INPP1: variants seen among roughly 807,000 people sequenced by gnomAD.
The protein encoded by INPP1 is inositol polyphosphate-1-phosphatase, also known as inositol polyphosphate 1-phosphatase.
A neutral mutation model predicts 23.0 loss-of-function variants in INPP1; 18 were observed. The ratio of observed to expected loss-of-function variants is 0.78; its 90% CI spans 0.54 to 1.16. INPP1 has a LOEUF of 1.16. Ranked by LOEUF, INPP1 falls within the 50% of genes most tolerant of loss-of-function variation. INPP1 has a pLI of 0.00. For synonymous variants in INPP1, 164 were observed against 176.3 expected (o/e 0.93, Z 0.55); for missense variants, 448 against 482.1 (o/e 0.93, Z 0.66).
rs1238314029 is a variant in INPP1, at chr2:190,368,020, A to G, written c.467-1083A>G. Reference sequence around the variant, plus strand: ...TGGGCCCTTCCCATCCTACAAGTGCATTCACAGGATGATACTGAAATGGGT... The same window carrying G: ...TGGGCCCTTCCCATCCTACAAGTGCGTTCACAGGATGATACTGAAATGGGT... On this transcript the variant is annotated intron_variant, in intron 5 of 6. Coordinates refer to ENST00000392329, the MANE Select transcript of INPP1 (RefSeq NM_001128928.2). The surrounding 1 kb of genome is among the most constrained non-coding windows in gnomAD (Gnocchi z 4.3). 6.6e-6 allele frequency among the ~76,000 whole-genome samples: 1 copy of G among 152,176 alleles called. No homozygotes were observed. Among genetic ancestry groups the G allele is most frequent in the Non-Finnish European group, 1.5e-5 (1 of 68,038 alleles).
chr2:190,349,806 A>G (rs918018031), intron 2 of INPP1, among the ~76,000 whole-genome samples: 1 of 152,160 alleles, frequency 6.6e-6, no homozygotes, highest in Non-Finnish European at 1.5e-5. Context: ...TGGAAAAGGG[A>G]GTTTAAAAAA....
At position 190,345,313 on chromosome 2, in the gene INPP1, A is replaced by T. The variant is rs1304637322; in HGVS notation, c.-209+1352A>T. 6.6e-6 allele frequency among the ~76,000 whole-genome samples: 1 copy of T among 152,238 alleles called. No homozygotes were observed. Among genetic ancestry groups the T allele is most frequent in the Non-Finnish European group, 1.5e-5 (1 of 68,040 alleles). On this transcript the variant is annotated intron_variant, in intron 1 of 6. Coordinates refer to ENST00000392329, the MANE Select transcript of INPP1 (RefSeq NM_001128928.2). The surrounding 1 kb of genome is among the most constrained non-coding windows in gnomAD (Gnocchi z 4.9). ...GCTTTGACTAATGCCCTTTAAAATG[A>T]TATACCTTATTATAGATTTAAATTA...
chr2:190,371,349 A>T lies in INPP1; in HGVS notation c.1147A>T (p.Thr383Ser). Reference protein sequence around the residue: ...IAYRSRKRLETFLSLLVQNLA... With the variant: ...IAYRSRKRLESFLSLLVQNLA... Reference sequence around the variant, plus strand: ...ATACAGATCCAGGAAGCGGCTGGAGACATTCCTGAGCCTCCTGGTCCAAAA... The same window carrying T: ...ATACAGATCCAGGAAGCGGCTGGAGTCATTCCTGAGCCTCCTGGTCCAAAA... Residue 383 changes from threonine (T) to serine (S), a missense_variant, in exon 7 of 7, where the codon ACA (threonine) becomes TCA (serine). Thr to Ser is a moderately conservative substitution (Grantham distance 58). Transcript: ENST00000392329. This position sits in a 1 kb window ranked among gnomAD's most constrained non-coding sequence, Gnocchi z 5.3. 6.4e-7 allele frequency: 1 copy of T among 1,554,252 alleles called. No homozygotes were observed. The highest frequency in any genetic ancestry group is 2.3e-5 in the East Asian group (1 of 44,390).
Position 190,345,962 on chromosome 2 carries a change from C to A in INPP1, c.-209+2001C>A, listed in dbSNP as rs1412121819. Among the ~76,000 whole-genome samples, 2 of 152,244 alleles carry A rather than the reference C, an allele frequency of 1.3e-5. No homozygotes were observed. The highest frequency in any genetic ancestry group is 4.8e-5 in the African/African-American group (2 of 41,544). On this transcript the variant is annotated intron_variant, in intron 1 of 6. Coordinates refer to ENST00000392329, the MANE Select transcript of INPP1 (RefSeq NM_001128928.2). This position sits in a 1 kb window ranked among gnomAD's most constrained non-coding sequence, Gnocchi z 4.9. ...TGAGCCCAGATCGCGCCACTGCACT[C>A]CAGCCTGGGCGACAAAGCAAGACTT...
chr2:190,359,101 A>C (rs1204647176), intron 2 of INPP1, among the ~76,000 whole-genome samples: 1 of 152,074 alleles, frequency 6.6e-6, no homozygotes, highest in Non-Finnish European at 1.5e-5. Context: ...AGAGTTTGAG[A>C]TTAGCCTGGT....
intron 2 of INPP1, among the ~76,000 whole-genome samples, chr2:190,357,496 A>G (rs1689440478): frequency 6.6e-6 from 1 of 152,252 alleles, no homozygotes; most frequent in African/African-American, 2.4e-5. Context: ...ATATGGTCAT[A>G]GGTAGTTTTT....
chr2:190,366,088 T>C (rs1276711112), intron 4 of INPP1, among the ~76,000 whole-genome samples: 2 of 151,390 alleles, frequency 1.3e-5, no homozygotes, highest in Non-Finnish European at 1.5e-5. Context: ...TCTGTCTCTC[T>C]CAGTCTCTCC....
Position 190,363,496 on chromosome 2 carries a change from AT to A in INPP1, c.265+820del, listed in dbSNP as rs574910801. ...TAATCTGATTTCTTTCAGAGAAACA[AT>A]TTTTTTTTTTAGTTTGTTTGGATTT... On this transcript the variant is annotated intron_variant, in intron 4 of 6. Coordinates refer to ENST00000392329, the MANE Select transcript of INPP1 (RefSeq NM_001128928.2). The surrounding 1 kb of genome is among the most constrained non-coding windows in gnomAD (Gnocchi z 4.4). Among the ~76,000 whole-genome samples the A allele has an allele frequency of 7.4e-3, 1,101 of 149,146 alleles. 13 individuals are homozygous for A. Among genetic ancestry groups the A allele is most frequent in the African/African-American group, 0.023 (940 of 40,870 alleles).
chr2:190,366,434 ACTCT>A (rs1442153466), intron 4 of INPP1, among the ~76,000 whole-genome samples: 3 of 96,162 alleles, frequency 3.1e-5, no homozygotes, highest in Admixed American at 2.9e-4. Flanking sequence ...ACTCTGTCTC[ACTCT>A]GTCTCACTCT....
At chr2:190,349,872 G>T (rs1689293902) in intron 2 of INPP1, among the ~76,000 whole-genome samples, 1 of 152,166 alleles carries the variant, frequency 6.6e-6, no homozygotes, top group South Asian at 2.1e-4. Context: ...TTGAGACAGA[G>T]TTCACCGTGT....
At chr2:190,361,186 A>G (rs1439934213) in intron 3 of INPP1, among the ~76,000 whole-genome samples, 3 of 152,244 alleles carry the variant, frequency 2.0e-5, no homozygotes, top group Non-Finnish European at 2.9e-5. Context: ...TTGCACATCA[A>G]GTAAATGGTA....
intron 4 of INPP1, among the ~76,000 whole-genome samples, chr2:190,364,650 G>A (rs1475482793): frequency 1.4e-5 from 2 of 144,658 alleles, no homozygotes; most frequent in Admixed American, 1.4e-4. Context: ...GAGTGCAGTG[G>A]CACAATCTTG....
intron 1 of INPP1, 77 bp downstream of exon 1, chr2:190,344,038 G>C (rs760738127): frequency 9.0e-6 from 3 of 333,536 alleles, no homozygotes; most frequent in Admixed American, 4.0e-5. Context: ...TCTGGGGCCC[G>C]GGCTGGTGAG....
chr2:190,358,887 G>A (rs780422043), intron 2 of INPP1, among the ~76,000 whole-genome samples: 16 of 152,182 alleles, frequency 1.1e-4, no homozygotes, highest in Non-Finnish European at 2.1e-4. Context: ...CGTTTACTGG[G>A]TAAAGGAGCA....
At position 190,346,287 on chromosome 2, in the gene INPP1, G is replaced by A. The variant is rs1021113120; in HGVS notation, c.-209+2326G>A. On this transcript the variant is annotated intron_variant, in intron 1 of 6. Transcript: ENST00000392329. The surrounding 1 kb of genome is among the most constrained non-coding windows in gnomAD (Gnocchi z 5.1). ...AGGTGAGTTTGGGAAATGCAGGTGG[G>A]AAATGACTATTGTTGGAATGAATAG... is the stretch of plus-strand genomic sequence containing the variant. Among the ~76,000 whole-genome samples, 1 of 152,170 alleles carries A rather than the reference G, an allele frequency of 6.6e-6. No individual in the cohort carries two copies. The highest frequency in any genetic ancestry group is 1.9e-4 in the East Asian group (1 of 5,202).
chr2:190,346,498 G>A lies in INPP1; in HGVS notation c.-208-2390G>A, dbSNP rs1396713958. ...TAGTCTTTTTTATGTGGTATGTAAT[G>A]TTAATTCAATTTCTTGAATGTGATA... On this transcript the variant is annotated intron_variant, in intron 1 of 6. Coordinates refer to ENST00000392329, the MANE Select transcript of INPP1 (RefSeq NM_001128928.2). This position sits in a 1 kb window ranked among gnomAD's most constrained non-coding sequence, Gnocchi z 5.1. Among the ~76,000 whole-genome samples, 1 of 152,158 alleles carries A rather than the reference G, an allele frequency of 6.6e-6. No individual in the cohort carries two copies. Among genetic ancestry groups the A allele is most frequent in the Non-Finnish European group, 1.5e-5 (1 of 68,028 alleles).
Position 190,352,732 on chromosome 2 carries a change from T to G in INPP1, c.-65+3701T>G, listed in dbSNP as rs1689345899. Among the ~76,000 whole-genome samples, 1 of 152,202 alleles carries G rather than the reference T, an allele frequency of 6.6e-6. No homozygotes were observed. The highest frequency in any genetic ancestry group is 2.4e-5 in the African/African-American group (1 of 41,450). On this transcript the variant is annotated intron_variant, in intron 2 of 6. Coordinates refer to ENST00000392329, the MANE Select transcript of INPP1 (RefSeq NM_001128928.2). This position sits in a 1 kb window ranked among gnomAD's most constrained non-coding sequence, Gnocchi z 4.7. ...TGTTTCCCCTACAACAGCAATGTGA[T>G]CTGAATAGAACCTTGGCCACTGCCA...
In INPP1 at chr2:190,371,431, A is replaced by C. The variant is rs775257302; in HGVS notation, c.*29A>C. The C allele has an allele frequency of 6.8e-7, 1 of 1,475,476 alleles. No homozygotes were observed. The highest frequency in any genetic ancestry group is 2.4e-5 in the Admixed American group (1 of 42,064). 91.4% of individuals were successfully genotyped at this position (1,475,476 alleles called of 1,614,324 possible). On this transcript the variant is annotated 3_prime_UTR_variant, in exon 7 of 7. Transcript: ENST00000392329. This position sits in a 1 kb window ranked among gnomAD's most constrained non-coding sequence, Gnocchi z 5.3. ...AACTCTAACCCCGGTGTACCTGTAT[A>C]AACTGAACTGTGAAACTGTTTCGGT...
intron 2 of INPP1, among the ~76,000 whole-genome samples, chr2:190,349,287 A>C (rs1689282513): frequency 6.6e-6 from 1 of 152,064 alleles, no homozygotes. Flanking sequence ...AAATACAAAA[A>C]TTAGCCAGGT....
Sources: allele counts gnomAD v4.1 joint callset (sites outside exome capture counted in the v4.1 genomes callset), GRCh38; gene constraint gnomAD v4.1.1; non-coding constraint Gnocchi (gnomAD v3.1); transcripts MANE v1.5; gene names NCBI Gene and HGNC (gene_info 2026-07-23, HGNC 2026-07-21).